The following RPS6KA2 variants were observed in gnomAD, a reference collection of about 807,000 sequenced individuals.
RPS6KA2 encodes ribosomal protein S6 kinase alpha-2.
RPS6KA2 carries 42 observed loss-of-function variants against 91.8 expected under a neutral mutation model. The observed-to-expected ratio is 0.46, with a 90% confidence interval of 0.36 to 0.59. The LOEUF (loss-of-function observed/expected upper bound fraction) is 0.59. Ranked by LOEUF, RPS6KA2 falls within the 20% of genes least tolerant of loss-of-function variation. The pLI, the probability that RPS6KA2 is intolerant of heterozygous loss-of-function variation, is 0.00. For synonymous variants in RPS6KA2, 414 were observed against 393.6 expected (o/e 1.05, Z -0.61); for missense variants, 798 against 978.5 (o/e 0.82, Z 2.46).
At chr6:166,857,728 C>T (rs1780942517) in intron 2 of RPS6KA2, among the ~76,000 whole-genome samples, 1 of 152,196 alleles carries the variant, frequency 6.6e-6, no homozygotes, top group African/African-American at 2.4e-5. Context: ...CCTGGGACTC[C>T]TCTCCGTCCA....
At chr6:166,861,411 A>G (rs1217285904) in intron 1 of RPS6KA2, among the ~76,000 whole-genome samples, 1 of 152,190 alleles carries the variant, frequency 6.6e-6, no homozygotes, top group Non-Finnish European at 1.5e-5. Context: ...TTCTAGGAAA[A>G]TGTATGTTGA....
At chr6:166,560,859 C>T (rs1013125839) in intron 1 of RPS6KA2, among the ~76,000 whole-genome samples, 4 of 152,120 alleles carry the variant, frequency 2.6e-5, no homozygotes, top group Non-Finnish European at 5.9e-5. Context: ...AAAAGAAATG[C>T]TATCAATGGT....
intron 2 of RPS6KA2, among the ~76,000 whole-genome samples, chr6:166,744,453 C>T (rs1036634926): frequency 2.6e-5 from 4 of 152,178 alleles, no homozygotes; most frequent in East Asian, 1.9e-4. Context: ...GGCTGGGTCC[C>T]GGGGGCCTGC....
intron 3 of RPS6KA2, among the ~76,000 whole-genome samples, chr6:166,525,845 T>C (rs1163446061): frequency 6.6e-6 from 1 of 152,104 alleles, no homozygotes; most frequent in Admixed American, 6.5e-5. Flanking sequence ...ATCTCACAAA[T>C]CAGGGATATT....
rs535523684 is a variant in RPS6KA2, at chr6:166,495,450, G to A, written c.747+3058C>T. On this transcript the variant is annotated intron_variant, in intron 8 of 20. Transcript: ENST00000265678. This position sits in a 1 kb window ranked among gnomAD's most constrained non-coding sequence, Gnocchi z 4.4. Reference sequence around the variant, plus strand: ...GGAGGAGAGTGCCTGCTGTGTTGACGTGCCGGGCAGCGCTGGGCCAGGCCT... The same window carrying A: ...GGAGGAGAGTGCCTGCTGTGTTGACATGCCGGGCAGCGCTGGGCCAGGCCT... Among the ~76,000 whole-genome samples, 41 of 152,288 alleles carry A rather than the reference G, an allele frequency of 2.7e-4. No individual in the cohort carries two copies. Among genetic ancestry groups the A allele is most frequent in the Non-Finnish European group, 4.4e-5 (3 of 68,018 alleles).
intron 1 of RPS6KA2, among the ~76,000 whole-genome samples, chr6:166,564,344 C>T (rs192855164): frequency 1.2e-4 from 18 of 152,302 alleles, no homozygotes; most frequent in African/African-American, 3.8e-4. Flanking sequence ...CAGTGTCAGT[C>T]GGACACTGGA....
chr6:166,818,991 A>C (rs528751595), intron 2 of RPS6KA2, among the ~76,000 whole-genome samples: 1 of 151,912 alleles, frequency 6.6e-6, no homozygotes, highest in Admixed American at 6.6e-5. Context: ...CAAGCTCAGG[A>C]TGCATGTTTT....
intron 1 of RPS6KA2, among the ~76,000 whole-genome samples, chr6:166,551,691 T>TAA (rs367804739): frequency 2.0e-5 from 3 of 150,226 alleles, no homozygotes; most frequent in African/African-American, 7.3e-5. Flanking sequence ...AGCATTTTGT[T>TAA]AAAAAAAAAA....
intron 2 of RPS6KA2, among the ~76,000 whole-genome samples, chr6:166,750,115 G>A (rs960869324): frequency 1.1e-4 from 17 of 152,168 alleles, no homozygotes; most frequent in Non-Finnish European, 2.1e-4. Context: ...CCATGCCGGA[G>A]AGAAGTTGGC....
chr6:166,818,646 T>G (rs9366059), intron 2 of RPS6KA2, among the ~76,000 whole-genome samples: 100,272 of 151,942 alleles, frequency 0.66, 33,735 homozygotes, highest in Non-Finnish European at 0.74. Context: ...CTGTGCTTGT[T>G]ATTAAAGTGG....
intron 2 of RPS6KA2, among the ~76,000 whole-genome samples, chr6:166,817,395 G>T (rs371776949): frequency 1.1e-5 from 1 of 87,260 alleles, no homozygotes; most frequent in Non-Finnish European, 3.0e-5. Flanking sequence ...ACACACACAC[G>T]CATGTAAACA....
At chr6:166,697,212 TAAAGTTAA>T (rs1166821699) in intron 2 of RPS6KA2, among the ~76,000 whole-genome samples, 2 of 135,392 alleles carry the variant, frequency 1.5e-5, no homozygotes, top group African/African-American at 6.8e-5. Context: ...AGGGAGAAGG[TAAAGTTAA>T]AAAAAAGACT....
intron 10 of RPS6KA2, among the ~76,000 whole-genome samples, chr6:166,482,228 A>G (rs1459785797): frequency 1.3e-5 from 2 of 152,206 alleles, no homozygotes; most frequent in African/African-American, 4.8e-5. Context: ...GAGACGGGAG[A>G]ATGCACGTGC....
At chr6:166,632,600 A>G (rs1787111822) in intron 2 of RPS6KA2, among the ~76,000 whole-genome samples, 1 of 147,824 alleles carries the variant, frequency 6.8e-6, no homozygotes, top group Admixed American at 6.8e-5. Context: ...AACAAGAGCG[A>G]AACTCCATCT....
At chr6:166,734,216 CTCT>C (rs1345047847) in intron 2 of RPS6KA2, among the ~76,000 whole-genome samples, 1 of 152,206 alleles carries the variant, frequency 6.6e-6, no homozygotes, top group Non-Finnish European at 1.5e-5. Flanking sequence ...GCAATTCTCA[CTCT>C]TCTTACTAGT....
intron 5 of RPS6KA2, 130 bp from the exon 6 acceptor site, chr6:166,504,742 G>A (rs544982940): frequency 2.5e-4 from 153 of 605,668 alleles, no homozygotes; most frequent in Non-Finnish European, 4.1e-4. Context: ...GAACGCTATG[G>A]CCCCCCAGAG....
In RPS6KA2 at chr6:166,837,703, G is replaced by T. The variant is rs187284079; in HGVS notation, c.123+20497C>A. Among the ~76,000 whole-genome samples the T allele has an allele frequency of 2.8e-4, 42 of 152,158 alleles. 1 individual carries two copies. Among genetic ancestry groups the T allele is most frequent in the Non-Finnish European group, 4.1e-4 (28 of 67,986 alleles). ...CTTCCACCCGCCCTCTGCCCCTCCC[G>T]GGCTCCCCACCCTTCAGGCTGCCAC... On this transcript the variant is annotated intron_variant, in intron 2 of 21. Coordinates refer to the RPS6KA2 transcript ENST00000503859.
At chr6:166,579,471 A>T (rs1784939883) in intron 1 of RPS6KA2, among the ~76,000 whole-genome samples, 1 of 152,208 alleles carries the variant, frequency 6.6e-6, no homozygotes, top group African/African-American at 2.4e-5. Context: ...TTCTACTGCA[A>T]TTATTAAAGA....
chr6:166,757,699 AC>A, intron 2 of RPS6KA2: 1 of 424,830 alleles, frequency 2.4e-6, no homozygotes, highest in Non-Finnish European at 4.7e-6. Flanking sequence ...CCAGGCAGCC[AC>A]CCCGCACACC....
Sources: gnomAD v4.1 joint callset for allele counts (sites outside exome capture counted in the v4.1 genomes callset) on GRCh38, gnomAD v4.1.1 for gene constraint, Gnocchi (gnomAD v3.1) non-coding constraint, MANE v1.5 for transcripts, NCBI Gene and HGNC (gene_info 2026-07-23, HGNC 2026-07-21) for gene names.